The following SMYD1 variants were observed in gnomAD, a reference collection of about 807,000 sequenced individuals.
The protein encoded by SMYD1 is histone-lysine N-methyltransferase SMYD1.
Under a neutral mutation model 54.0 loss-of-function variants are expected in SMYD1, and 49 were observed. The observed-to-expected ratio is 0.91, with a 90% CI of 0.72 to 1.15. SMYD1 has a LOEUF of 1.15. SMYD1 is among the 50% of genes most tolerant of loss of function. The pLI, the probability that SMYD1 is intolerant of heterozygous loss-of-function variation, is 0.00. For synonymous variants in SMYD1, 269 were observed against 234.2 expected, an observed-to-expected ratio of 1.15 and a Z score of -1.36; for missense variants, 653 against 639.6, an observed-to-expected ratio of 1.02 and a Z score of -0.23.
chr2:88,097,549 T>A (rs1402323108), intron 6 of SMYD1, among the ~76,000 whole-genome samples: 1 of 152,096 alleles, frequency 6.6e-6, no homozygotes, highest in Non-Finnish European at 1.5e-5. Flanking sequence ...AGGGGGAGGA[T>A]GAGGGGGATC....
intron 8 of SMYD1, among the ~76,000 whole-genome samples, chr2:88,106,973 G>T (rs1248342870): frequency 1.3e-5 from 2 of 152,156 alleles, no homozygotes; most frequent in African/African-American, 4.8e-5. Flanking sequence ...GGCCGAGGCG[G>T]GAGGATCACG....
At chr2:88,097,218 A>G (rs1674610552) in intron 6 of SMYD1, among the ~76,000 whole-genome samples, 2 of 152,156 alleles carry the variant, frequency 1.3e-5, no homozygotes. Context: ...TATCAAAAAG[A>G]TATTCCTAGT....
rs1437122078 is a variant in SMYD1 at position 88,096,609 on chromosome 2, C to A, written c.713C>A (p.Ala238Asp). 1.9e-6 allele frequency: 3 copies of A among 1,612,376 alleles called. No individual in the cohort carries two copies. The highest frequency in any genetic ancestry group is 2.7e-5 in the African/African-American group (2 of 74,906). ...FHTQMRIELR[A>D]LGKISEGEEL... ...CCCTGCTTCAGAATTGAGCTCCGGG[C>A]CCTAGGCAAGATCTCAGAAGGAGAG... The change falls in exon 6 of 10, where the codon GCC becomes GAC. Residue 238 changes from alanine (A) to aspartate (D), a missense_variant. By Grantham distance (126) the Ala-to-Asp change is moderately radical (BLOSUM62 -2). Coordinates refer to ENST00000419482, the MANE Select transcript of SMYD1 (RefSeq NM_198274.4).
At chr2:88,106,281 G>C in intron 7 of SMYD1, 44 bp from the exon 8 acceptor site, 1 of 1,604,474 alleles carries the variant, frequency 6.2e-7, no homozygotes, top group South Asian at 1.1e-5. Context: ...TTAAACGTGT[G>C]CTCTGGTGCA....
intron 1 of SMYD1, among the ~76,000 whole-genome samples, chr2:88,078,699 C>T (rs1674123531): frequency 6.6e-6 from 1 of 152,188 alleles, no homozygotes; most frequent in South Asian, 2.1e-4. Context: ...AATCCCAGCC[C>T]CCACCCCACA....
rs2104022297 is a variant in SMYD1, at chr2:88,111,516, G to GC, written c.*1009dup. On this transcript the variant is annotated 3_prime_UTR_variant, in exon 10 of 10. Coordinates refer to ENST00000419482, the MANE Select transcript of SMYD1 (RefSeq NM_198274.4). ...TTTACCAGCTTAGACTCTATCATGGGCCCCCATGAAGCTCCATTCTCAATA... is the reference window on the plus strand; with the variant it reads ...TTTACCAGCTTAGACTCTATCATGGGCCCCCCATGAAGCTCCATTCTCAATA... The GC allele has an allele frequency of 6.5e-6, 1 of 152,898 alleles. No homozygotes were observed. Among genetic ancestry groups the GC allele is most frequent in the East Asian group, 1.9e-4 (1 of 5,178 alleles). The allele number at this position is 152,898 out of a possible 1,614,324, so 9.5% of individuals were successfully genotyped here. A position where few individuals can be genotyped will look rare whatever the true frequency, so the allele number is the denominator to read the frequency against.
intron 5 of SMYD1, 26 bp downstream of exon 5, chr2:88,093,581 T>G: frequency 1.2e-6 from 2 of 1,614,052 alleles, no homozygotes; most frequent in Non-Finnish European, 8.5e-7. Context: ...CAAGCATCCC[T>G]GCTCCTCTGA....
chr2:88,105,366 C>T (rs1020117855), intron 7 of SMYD1, among the ~76,000 whole-genome samples: 12 of 127,550 alleles, frequency 9.4e-5, no homozygotes, highest in South Asian at 2.9e-4. Flanking sequence ...TGTATATATG[C>T]GCATGCATAT....
intron 7 of SMYD1, among the ~76,000 whole-genome samples, chr2:88,104,042 C>CT (rs1211376877): frequency 6.6e-6 from 1 of 151,642 alleles, no homozygotes; most frequent in African/African-American, 2.4e-5. Flanking sequence ...TTTCGGCTCA[C>CT]TGCAAGCTCT....
At chr2:88,108,924 C>G (rs1674948385) in intron 9 of SMYD1, among the ~76,000 whole-genome samples, 1 of 152,056 alleles carries the variant, frequency 6.6e-6, no homozygotes, top group Admixed American at 6.6e-5. Context: ...AGGCTTTTTT[C>G]AACAAGCAGA....
At chr2:88,072,837 C>T (rs776213731) in intron 1 of SMYD1, among the ~76,000 whole-genome samples, 21 of 152,218 alleles carry the variant, frequency 1.4e-4, no homozygotes, top group East Asian at 1.9e-4. Flanking sequence ...TATCCTTCTA[C>T]ACCATTTTAA....
At chr2:88,103,229 G>A (rs748226) in intron 7 of SMYD1, 79 bp downstream of exon 7, 202,392 of 1,147,318 alleles carry the variant, frequency 0.18, 21,212 homozygotes, top group African/African-American at 0.31. Flanking sequence ...GAAGTGGCGT[G>A]AGAACGGGCG....
At chr2:88,070,564 A>G (rs1358442088) in intron 1 of SMYD1, among the ~76,000 whole-genome samples, 1 of 152,134 alleles carries the variant, frequency 6.6e-6, no homozygotes, top group Non-Finnish European at 1.5e-5. Flanking sequence ...GAATATTCCA[A>G]TATGTTACAT....
In SMYD1 at chr2:88,084,422, G is replaced by A. The variant is rs1230084173; in HGVS notation, c.244G>A (p.Ala82Thr). The A allele has an allele frequency of 6.2e-7, 1 of 1,608,700 alleles. No individual in the cohort carries two copies. The stretch of plus-strand genomic sequence containing the variant: ...CTGCGACCGCACCTGCCAGAAGGAT[G>A]CTTGGCTGAACCACAAGAATGAATG... ...HYCDRTCQKD[A>T]WLNHKNECSA... The change falls in exon 2 of 10, where the codon GCT becomes ACT. Residue 82 changes from alanine to threonine, a missense_variant. Coordinates refer to ENST00000419482, the MANE Select transcript of SMYD1 (RefSeq NM_198274.4).
chr2:88,099,183 C>A (rs186552755), intron 6 of SMYD1, among the ~76,000 whole-genome samples: 1 of 152,084 alleles, frequency 6.6e-6, no homozygotes, highest in Non-Finnish European at 1.5e-5. Context: ...ACTTTCTGGG[C>A]TCCAGCGATT....
intron 1 of SMYD1, 132 bp downstream of exon 1, chr2:88,068,133 C>A: frequency 7.9e-7 from 1 of 1,264,396 alleles, no homozygotes; most frequent in Non-Finnish European, 1.1e-6. Context: ...AATGGCACTT[C>A]TGAGAGCTAA....
At position 88,089,583 on chromosome 2, in the gene SMYD1, C is replaced by CTCTTTTTTTTTTTTTTTTTTTTT. The variant is rs1481581789; in HGVS notation, c.529-1428_529-1427insCTTTTTTTTTTTTTTTTTTTTTT. On this transcript the variant is annotated intron_variant, in intron 3 of 9. Transcript: ENST00000419482. ...TATTTTCAGGAGCCAGAGCTTCTAC[C>CTCTTTTTTTTTTTTTTTTTTTTT]TGTTTTTTTTTTTTTTTTTTTTTTT... Among the ~76,000 whole-genome samples, 3 of 114,992 alleles carry CTCTTTTTTTTTTTTTTTTTTTTT rather than the reference C, an allele frequency of 2.6e-5. 1 individual carries two copies. The highest frequency in any genetic ancestry group is 3.5e-5 in the Non-Finnish European group (2 of 56,654). The allele number at this position is 114,992 out of a possible 152,430, so 75.4% of individuals were successfully genotyped here.
chr2:88,103,858 G>A (rs79295847), intron 7 of SMYD1, among the ~76,000 whole-genome samples: 2 of 152,054 alleles, frequency 1.3e-5, no homozygotes, highest in East Asian at 3.8e-4. Flanking sequence ...CAGAAAACAG[G>A]GACCATGAAT....
Position 88,106,380 on chromosome 2 carries a change from C to T in SMYD1, c.1037C>T (p.Thr346Ile). The change falls in exon 8 of 10, where the codon ACC becomes ATC. Residue 346 changes from threonine to isoleucine, a missense_variant. Physicochemically the swap from Thr to Ile is moderately conservative, Grantham distance 89. Transcript: ENST00000419482. ...LEKQEPVFAD[T>I]NIYMLRMLSI... ...AAGCAGGAGCCAGTGTTTGCTGACA[C>T]CAACATCTACATGCTGCGGATGCTG... The T allele has an allele frequency of 6.2e-7, 1 of 1,614,152 alleles. No individual in the cohort carries two copies. The highest frequency in any genetic ancestry group is 8.5e-7 in the Non-Finnish European group (1 of 1,180,030).
Sources: allele counts gnomAD v4.1 joint callset (sites outside exome capture counted in the v4.1 genomes callset), GRCh38; gene constraint gnomAD v4.1.1; transcripts MANE v1.5; gene names NCBI Gene and HGNC (gene_info 2026-07-23, HGNC 2026-07-21).